The following CLEC12A variants were observed in gnomAD, a reference collection of about 807,000 sequenced individuals.
CLEC12A encodes the protein C-type lectin domain family 12 member A.
In CLEC12A, 22 loss-of-function variants were observed where a neutral mutation model predicts 26.5. The observed-to-expected ratio is 0.83, with a 90% confidence interval of 0.59 to 1.19. The LOEUF is 1.19. CLEC12A is among the 50% of genes most tolerant of loss of function. CLEC12A has a pLI of 0.00. For synonymous variants in CLEC12A, 119 were observed against 101.9 expected, an observed-to-expected ratio of 1.17 and a Z score of -1.01; for missense variants, 353 against 315.6, an observed-to-expected ratio of 1.12 and a Z score of -0.90.
At position 9,980,564 on chromosome 12, in the gene CLEC12A, A is replaced by G; in HGVS notation, c.380-18A>G. 3.7e-6 allele frequency: 6 copies of G among 1,608,470 alleles called. No homozygotes were observed. Among genetic ancestry groups the G allele is most frequent in the Non-Finnish European group, 5.1e-6 (6 of 1,177,548 alleles). On this transcript the variant is annotated intron_variant, in intron 3 of 5. Transcript: ENST00000304361. ...TGACTATCAACAAAACCCAAATAAA[A>G]CTATGTTCTTCTTCCAGAGCACAAA...
Position 9,979,436 on chromosome 12 carries a change from G to T in CLEC12A, c.291G>T (p.Met97Ile), listed in dbSNP as rs1222846620. The T allele has an allele frequency of 6.2e-7, 1 of 1,612,898 alleles. No homozygotes were observed. The highest frequency in any genetic ancestry group is 1.1e-5 in the South Asian group (1 of 91,026). Residue 97 changes from methionine to isoleucine, a missense_variant, in exon 3 of 6, where the codon ATG (methionine) becomes ATT (isoleucine). By Grantham distance (10) the Met-to-Ile change is conservative. Coordinates refer to ENST00000304361, the MANE Select transcript of CLEC12A (RefSeq NM_138337.6). ...TTTCTCTACAACTGATGAGTAACATGAATATCTCCAACAAGATCAGGAACC... is the reference window on the plus strand; with the variant it reads ...TTTCTCTACAACTGATGAGTAACATTAATATCTCCAACAAGATCAGGAACC... ...RNISLQLMSN[M>I]NISNKIRNLS...
intron 1 of CLEC12A, among the ~76,000 whole-genome samples, chr12:9,965,184 T>C (rs12230629): frequency 0.33 from 49,852 of 151,934 alleles, 8,860 homozygotes; most frequent in East Asian, 0.46. Flanking sequence ...TAGGCTAAAA[T>C]GGTAAGGTCA....
intron 1 of CLEC12A, among the ~76,000 whole-genome samples, chr12:9,956,314 A>G (rs1366497629): frequency 2.0e-5 from 3 of 152,208 alleles, no homozygotes; most frequent in Non-Finnish European, 2.9e-5. Context: ...TCTTTAATCA[A>G]TAAGAACACA....
chr12:9,953,242 C>CCG (rs1335129241), intron 1 of CLEC12A: 5 of 114,478 alleles, frequency 4.4e-5, no homozygotes, highest in African/African-American at 1.7e-4. Context: ...GCGCCTCTGC[C>CCG]CGCCCCCCCC....
chr12:9,989,225 AG>A (rs1342651332), downstream of CLEC12A, among the ~76,000 whole-genome samples: 1 of 57,088 alleles, frequency 1.8e-5, no homozygotes, highest in South Asian at 6.3e-4. Context: ...GGATGGGGGG[AG>A]GGGGGAGGGA....
At chr12:9,963,496 AG>A (rs1446576763) in intron 1 of CLEC12A, among the ~76,000 whole-genome samples, 2 of 149,386 alleles carry the variant, frequency 1.3e-5, no homozygotes. Flanking sequence ...GTCGTGACAG[AG>A]GTTGAAATGC....
downstream of CLEC12A, among the ~76,000 whole-genome samples, chr12:9,996,350 G>T (rs1446577670): frequency 2.0e-5 from 3 of 152,052 alleles, no homozygotes; most frequent in Non-Finnish European, 4.4e-5. Flanking sequence ...CTTCAACCTG[G>T]CATCTGCCTA....
At chr12:9,970,911 G>C (rs1475169564), upstream of CLEC12A, among the ~76,000 whole-genome samples, 2 of 152,138 alleles carry the variant, frequency 1.3e-5, no homozygotes, top group Admixed American at 1.3e-4. Context: ...GCAAAAACCA[G>C]AATTACTTTA....
At chr12:9,978,615 C>T (rs1338812988) in intron 1 of CLEC12A, among the ~76,000 whole-genome samples, 1 of 152,152 alleles carries the variant, frequency 6.6e-6, no homozygotes, top group Non-Finnish European at 1.5e-5. Flanking sequence ...CAGCTACTCA[C>T]TTTTCCCAAA....
intron 3 of CLEC12A, 121 bp from the exon 4 acceptor site, chr12:9,980,461 G>T: frequency 2.9e-6 from 3 of 1,043,424 alleles, no homozygotes; most frequent in Non-Finnish European, 4.1e-6. Context: ...GGGAAAGAGA[G>T]AAAGAAAAAG....
At chr12:9,997,245 A>G (rs1270813176), downstream of CLEC12A, 3 of 1,613,346 alleles carry the variant, frequency 1.9e-6, no homozygotes, top group South Asian at 3.3e-5. Context: ...TGCGATTTTC[A>G]TTCTCACCTT....
intron 4 of CLEC12A, chr12:9,992,125 T>C (rs1275005363): frequency 6.6e-6 from 1 of 152,164 alleles, no homozygotes; most frequent in African/African-American, 2.4e-5. Flanking sequence ...TTTCCTATTA[T>C]CCTGTAAAAG....
At chr12:9,980,074 T>C (rs531731107) in intron 3 of CLEC12A, among the ~76,000 whole-genome samples, 1 of 152,302 alleles carries the variant, frequency 6.6e-6, no homozygotes, top group African/African-American at 2.4e-5. Flanking sequence ...AAGATTGGTA[T>C]AGATAGGTGG....
At chr12:9,976,740 C>T (rs1864352557) in intron 1 of CLEC12A, among the ~76,000 whole-genome samples, 1 of 152,142 alleles carries the variant, frequency 6.6e-6, no homozygotes, top group African/African-American at 2.4e-5. Context: ...GCTGTGTCCA[C>T]ACCCAAATCT....
intron 4 of CLEC12A, chr12:9,990,803 C>T (rs1720142387): frequency 6.6e-6 from 1 of 152,124 alleles, no homozygotes; most frequent in African/African-American, 2.4e-5. Context: ...ATGCTACAAA[C>T]TTCACCATTG....
downstream of CLEC12A, chr12:9,998,289 C>T (rs777563676): frequency 4.3e-6 from 7 of 1,613,654 alleles, no homozygotes; most frequent in East Asian, 2.2e-5. Flanking sequence ...TACACCAAAT[C>T]CCCAGAGCCA....
the CLEC12A span, among the ~76,000 whole-genome samples, chr12:10,005,502 A>G: frequency 2.2e-3 from 330 of 152,298 alleles, 1 homozygote; most frequent in African/African-American, 7.7e-3. Flanking sequence ...TGCTCTTTCT[A>G]TATGCTTTTA....
chr12:9,955,102 T>C (rs1863720870), intron 1 of CLEC12A, among the ~76,000 whole-genome samples: 1 of 152,208 alleles, frequency 6.6e-6, no homozygotes, highest in Non-Finnish European at 1.5e-5. Flanking sequence ...TTTCTTTTTT[T>C]TAAAAACGGA....
chr12:9,976,518 T>G (rs1264379008), intron 1 of CLEC12A, among the ~76,000 whole-genome samples: 1 of 152,248 alleles, frequency 6.6e-6, no homozygotes, highest in Non-Finnish European at 1.5e-5. Flanking sequence ...ATCCAATGCC[T>G]GTACTCTCAT....
Sources: allele counts gnomAD v4.1 joint callset (sites outside exome capture counted in the v4.1 genomes callset), GRCh38; gene constraint gnomAD v4.1.1; transcripts MANE v1.5; gene names NCBI Gene and HGNC (gene_info 2026-07-23, HGNC 2026-07-21).